The following KCNH5 variants were observed in gnomAD, a reference collection of about 807,000 sequenced individuals.
KCNH5 encodes the protein potassium voltage-gated channel subfamily H member 5.
In KCNH5, 46 loss-of-function variants were observed where a neutral mutation model predicts 96.1. That is an observed-to-expected ratio of 0.48 (90% CI 0.38 to 0.61). The LOEUF is 0.61. Ranked by LOEUF, KCNH5 falls within the 20% of genes least tolerant of loss-of-function variation. KCNH5 has a pLI of 0.00. For synonymous variants in KCNH5, 439 were observed against 449.8 expected, an observed-to-expected ratio of 0.98 and a Z score of 0.30; for missense variants, 907 against 1,225.8, an observed-to-expected ratio of 0.74 and a Z score of 3.88.
Position 62,981,058 on chromosome 14 carries a change from A to G in KCNH5, c.756T>C (p.Ser252=), listed in dbSNP as rs754025425. Residue 252 remains serine (S), a synonymous_variant, in exon 6 of 11, where the codon AGT becomes AGC. Coordinates refer to ENST00000322893, the MANE Select transcript of KCNH5 (RefSeq NM_139318.5). The part of the protein sequence containing the change: ...QNNIAWLVLD[S]VVDVIFLVDI... ...CAACCAGAAAAATAACGTCCACCAC[A>G]CTATCCAGTACCAGCCAGGCTATGT... 2 of 1,614,206 alleles carry G rather than the reference A, an allele frequency of 1.2e-6. No individual in the cohort carries two copies. The highest frequency in any genetic ancestry group is 1.7e-6 in the Non-Finnish European group (2 of 1,180,032).
chr14:62,977,698 C>T (rs1256088642), intron 6 of KCNH5, among the ~76,000 whole-genome samples: 4 of 152,130 alleles, frequency 2.6e-5, no homozygotes, highest in African/African-American at 9.7e-5. Flanking sequence ...TTTACCAATT[C>T]ATTCTCCCCT....
intron 6 of KCNH5, among the ~76,000 whole-genome samples, chr14:62,968,694 G>C (rs991875041): frequency 1.3e-5 from 2 of 152,196 alleles, no homozygotes; most frequent in African/African-American, 4.8e-5. Context: ...GTTAGGAAAT[G>C]TGGTATGCCT....
At chr14:63,034,843 A>G (rs1891692636) in intron 1 of KCNH5, among the ~76,000 whole-genome samples, 1 of 152,212 alleles carries the variant, frequency 6.6e-6, no homozygotes, top group Non-Finnish European at 1.5e-5. Flanking sequence ...GCTATTAAAA[A>G]AGATTTCTCC....
chr14:62,967,983 C>T (rs1022502903), intron 6 of KCNH5, among the ~76,000 whole-genome samples: 2 of 152,184 alleles, frequency 1.3e-5, no homozygotes, highest in Non-Finnish European at 2.9e-5. Flanking sequence ...ATCCTCATTG[C>T]TTGTTATTTC....
intron 8 of KCNH5, among the ~76,000 whole-genome samples, chr14:62,834,608 C>G (rs1483758927): frequency 6.6e-6 from 1 of 151,960 alleles, no homozygotes; most frequent in Non-Finnish European, 1.5e-5. Context: ...GGATAGAAAT[C>G]TGACAATTGG....
chr14:62,837,176 T>G (rs1314794544), intron 8 of KCNH5, among the ~76,000 whole-genome samples: 1 of 152,124 alleles, frequency 6.6e-6, no homozygotes, highest in African/African-American at 2.4e-5. Flanking sequence ...GAAGGCCAAG[T>G]GTCTCTTTGT....
intron 1 of KCNH5, among the ~76,000 whole-genome samples, chr14:63,018,367 G>T (rs775769493): frequency 6.6e-6 from 1 of 151,836 alleles, no homozygotes; most frequent in Non-Finnish European, 1.5e-5. Flanking sequence ...ATAAACTTCC[G>T]CATAATATAC....
intron 7 of KCNH5, among the ~76,000 whole-genome samples, chr14:62,854,998 C>A (rs1887901530): frequency 6.6e-6 from 1 of 151,340 alleles, no homozygotes; most frequent in African/African-American, 2.4e-5. Context: ...AATATTGTGA[C>A]CATGATTTTG....
rs960065174 is a variant in KCNH5, at chr14:62,849,540, T to C, written c.1569+113A>G. 3.6e-5 allele frequency: 29 copies of C among 811,594 alleles called. No homozygotes were observed. The African/African-American group carries it at 4.3e-4, about 12-fold the overall frequency. 50.3% of individuals were successfully genotyped at this position (811,594 alleles called of 1,614,324 possible). ...GATTGACTGATATGTCACTTACAAA[T>C]ACAGAATAACAGTTACGAAGCAATT... On this transcript the variant is annotated intron_variant, in intron 8 of 10. Transcript: ENST00000322893.
chr14:62,902,521 T>G (rs2140094176), intron 7 of KCNH5, among the ~76,000 whole-genome samples: 1 of 152,288 alleles, frequency 6.6e-6, no homozygotes, highest in African/African-American at 2.4e-5. Context: ...ATGACTTAAT[T>G]CATCTCTCTA....
At chr14:62,954,292 G>T (rs182584231) in intron 6 of KCNH5, among the ~76,000 whole-genome samples, 1 of 152,252 alleles carries the variant, frequency 6.6e-6, no homozygotes, top group African/African-American at 2.4e-5. Context: ...CCCACTGGGA[G>T]AATTCGATAT....
intron 9 of KCNH5, among the ~76,000 whole-genome samples, chr14:62,783,854 G>A (rs1886268000): frequency 6.6e-6 from 1 of 150,886 alleles, no homozygotes; most frequent in African/African-American, 2.5e-5. Context: ...TATGAATATG[G>A]TTACAACTAT....
intron 10 of KCNH5, among the ~76,000 whole-genome samples, chr14:62,725,201 C>G (rs1164985242): frequency 2.0e-5 from 3 of 152,066 alleles, no homozygotes; most frequent in African/African-American, 7.2e-5. Context: ...ACAATTTATC[C>G]ACGTAACTCA....
intron 4 of KCNH5, among the ~76,000 whole-genome samples, chr14:62,998,627 C>T (rs1299395848): frequency 1.3e-5 from 2 of 152,090 alleles, no homozygotes; most frequent in East Asian, 1.9e-4. Context: ...GCTTTTGCTG[C>T]ATCTCACAAA....
chr14:62,800,623 T>C (rs1044352217), intron 9 of KCNH5, among the ~76,000 whole-genome samples: 2 of 152,228 alleles, frequency 1.3e-5, no homozygotes, highest in Non-Finnish European at 2.9e-5. Context: ...ATTTTTTTCC[T>C]ACCCACGTTT....
intron 5 of KCNH5, among the ~76,000 whole-genome samples, chr14:62,982,149 T>A (rs1411603271): frequency 6.6e-6 from 1 of 152,072 alleles, no homozygotes; most frequent in Non-Finnish European, 1.5e-5. Context: ...GCCAACATGG[T>A]GAAACGCTGT....
intron 2 of KCNH5, among the ~76,000 whole-genome samples, chr14:63,007,830 AT>A (rs1891154791): frequency 6.6e-6 from 1 of 152,332 alleles, no homozygotes; most frequent in East Asian, 1.9e-4. Context: ...TTAGAGGAAC[AT>A]ACAAAACATA....
rs1242374676 is a variant in KCNH5, at chr14:62,708,325, T to C, written c.2150A>G (p.Lys717Arg). 1.9e-6 allele frequency: 3 copies of C among 1,614,160 alleles called. No individual in the cohort carries two copies. The highest frequency in any genetic ancestry group is 2.5e-6 in the Non-Finnish European group (3 of 1,180,036). ...TGTTGAGCCCTGATTCCGCAGCTCC[T>C]TCTGCTGCTTGAACTTCTGGAAGAG... The part of the protein sequence containing the change: ...RKLFQKFKQQ[K>R]ELRNQGSTQG... Residue 717 changes from lysine to arginine, a missense_variant, in exon 11 of 11, where the codon AAG becomes AGG. Coordinates refer to ENST00000322893, the MANE Select transcript of KCNH5 (RefSeq NM_139318.5).
intron 8 of KCNH5, among the ~76,000 whole-genome samples, chr14:62,813,397 T>A (rs1410863422): frequency 6.6e-6 from 1 of 152,182 alleles, no homozygotes; most frequent in Non-Finnish European, 1.5e-5. Flanking sequence ...AAATTTCTAA[T>A]GTGCAAATGG....
Sources: allele counts gnomAD v4.1 joint callset (sites outside exome capture counted in the v4.1 genomes callset), GRCh38; gene constraint gnomAD v4.1.1; transcripts MANE v1.5; gene names NCBI Gene and HGNC (gene_info 2026-07-23, HGNC 2026-07-21).